Variants in CADPS2 observed in about 807,000 individuals in gnomAD.
The protein encoded by CADPS2 is calcium dependent secretion activator 2.
CADPS2 carries 93 observed loss-of-function variants against 172.5 expected under a neutral mutation model. The observed-to-expected ratio is 0.54, with a 90% CI of 0.46 to 0.64. The LOEUF (loss-of-function observed/expected upper bound fraction) is 0.64, where lower values mean the gene tolerates loss of function less well. Ranked by LOEUF, CADPS2 falls within the 30% of genes least tolerant of loss-of-function variation. The pLI is 0.00. For synonymous variants in CADPS2, 546 were observed against 555.2 expected (o/e 0.98, Z 0.23); for missense variants, 1,420 against 1,565.9 (o/e 0.91, Z 1.57).
At chr7:122,667,032 T>C (rs955004278) in intron 2 of CADPS2, among the ~76,000 whole-genome samples, 2 of 152,212 alleles carry the variant, frequency 1.3e-5, no homozygotes, top group African/African-American at 4.8e-5. Context: ...TCCTATATTC[T>C]TTAGAGTTTT....
intron 15 of CADPS2, among the ~76,000 whole-genome samples, chr7:122,444,496 A>T (rs2051861709): frequency 1.3e-5 from 2 of 152,152 alleles, no homozygotes; most frequent in South Asian, 4.1e-4. Flanking sequence ...TTTTGTTTGG[A>T]ATTTAACTAT....
At position 122,861,085 on chromosome 7, in the gene CADPS2, A is replaced by G. The variant is rs536408186; in HGVS notation, c.339+24914T>C. On this transcript the variant is annotated intron_variant, in intron 1 of 29. Transcript: ENST00000449022. ...AACATGGGAATACATATATGTCTTG[A>G]CATATGAATTTCATTTCCTTTGAAT... Among the ~76,000 whole-genome samples the G allele has an allele frequency of 3.5e-4, 53 of 152,310 alleles. 2 individuals carry two copies. In the South Asian group the frequency reaches 0.011, roughly 30 times the overall value.
At position 122,393,065 on chromosome 7, in the gene CADPS2, TAAA is replaced by T. The variant is rs370397056; in HGVS notation, c.3008+128_3008+130del. On this transcript the variant is annotated intron_variant, in intron 22 of 29. Coordinates refer to ENST00000449022, the MANE Select transcript of CADPS2 (RefSeq NM_017954.11). Reference sequence around the variant, plus strand: ...TAGCTTACTAGCTTAAAAACTCAAATAAAAAAAAAAAAACAGTATTCCTCAACC... The same window carrying T: ...TAGCTTACTAGCTTAAAAACTCAAATAAAAAAAAAACAGTATTCCTCAACC... 1.8e-5 allele frequency: 16 copies of T among 881,532 alleles called. No individual in the cohort carries two copies. The African/African-American group carries it at 2.4e-4, about 13-fold the overall frequency. 54.6% of individuals were successfully genotyped at this position (881,532 alleles called of 1,614,324 possible).
chr7:122,588,289 A>G (rs1216909987), intron 6 of CADPS2, among the ~76,000 whole-genome samples: 1 of 151,028 alleles, frequency 6.6e-6, no homozygotes, highest in African/African-American at 2.4e-5. Flanking sequence ...CTTTGCCTAA[A>G]TGGTATTGCC....
At chr7:122,645,427 GTA>G (rs2078317122) in intron 3 of CADPS2, among the ~76,000 whole-genome samples, 3 of 86,210 alleles carry the variant, frequency 3.5e-5, no homozygotes, top group South Asian at 3.0e-4. Context: ...GTATATGTGT[GTA>G]TATATGTATA....
At chr7:122,481,551 C>G (rs2057306700) in intron 11 of CADPS2, among the ~76,000 whole-genome samples, 1 of 151,746 alleles carries the variant, frequency 6.6e-6, no homozygotes. Flanking sequence ...ACCAGCCTGG[C>G]CAACGTGGAG....
At chr7:122,702,707 G>A (rs774556504) in intron 2 of CADPS2, 2 of 1,612,140 alleles carry the variant, frequency 1.2e-6, no homozygotes, top group Non-Finnish European at 1.7e-6. Context: ...AAGTCCAGAT[G>A]AAACAGAACT....
chr7:122,645,658 GATATAT>G (rs71161314), intron 3 of CADPS2, among the ~76,000 whole-genome samples: 33 of 106,646 alleles, frequency 3.1e-4, no homozygotes, highest in African/African-American at 7.1e-4. Context: ...ATATCTCTAA[GATATAT>G]ATATATATAT....
intron 6 of CADPS2, among the ~76,000 whole-genome samples, chr7:122,582,855 T>A (rs1050510026): frequency 6.6e-6 from 1 of 152,048 alleles, no homozygotes; most frequent in Admixed American, 6.6e-5. Context: ...AATTTGCTTT[T>A]TAAAATCCTC....
chr7:122,860,690 A>T (rs183234644), intron 1 of CADPS2, among the ~76,000 whole-genome samples: 24 of 152,294 alleles, frequency 1.6e-4, no homozygotes, highest in African/African-American at 5.5e-4. Context: ...TTCTCTTATA[A>T]AACTGTAATT....
intron 12 of CADPS2, among the ~76,000 whole-genome samples, chr7:122,477,565 AAAAAACC>A (rs896168331): frequency 5.3e-5 from 8 of 151,902 alleles, no homozygotes; most frequent in African/African-American, 1.9e-4. Flanking sequence ...AACAAAAAAC[AAAAAACC>A]AAAAACTGTA....
chr7:122,724,473 TG>T (rs1288325906), intron 2 of CADPS2, among the ~76,000 whole-genome samples: 1 of 152,036 alleles, frequency 6.6e-6, no homozygotes, highest in Non-Finnish European at 1.5e-5. Flanking sequence ...AGTGCTGAAT[TG>T]TGCAAAACCA....
chr7:122,420,746 A>G (rs981022982), intron 17 of CADPS2, among the ~76,000 whole-genome samples: 2 of 152,276 alleles, frequency 1.3e-5, no homozygotes, highest in African/African-American at 4.8e-5. Context: ...TAAAACAAAC[A>G]TGCCAAAAGT....
At chr7:122,875,848 G>A (rs1821057828) in intron 1 of CADPS2, among the ~76,000 whole-genome samples, 2 of 152,020 alleles carry the variant, frequency 1.3e-5, no homozygotes, top group South Asian at 4.1e-4. Flanking sequence ...CAAAAATAAA[G>A]TAATCCTAAA....
intron 1 of CADPS2, among the ~76,000 whole-genome samples, chr7:122,835,004 G>C (rs573257436): frequency 1.3e-5 from 2 of 152,106 alleles, no homozygotes; most frequent in African/African-American, 4.8e-5. Context: ...GGTCCCTGAC[G>C]CCCGAGTAGC....
intron 17 of CADPS2, among the ~76,000 whole-genome samples, chr7:122,423,503 T>C (rs1281070419): frequency 6.6e-6 from 1 of 152,162 alleles, no homozygotes; most frequent in East Asian, 1.9e-4. Context: ...TTCAGTTCTT[T>C]AGGGTCAAGT....
At chr7:122,474,644 G>T in intron 12 of CADPS2, 127 bp from the exon 13 acceptor site, 2 of 859,512 alleles carry the variant, frequency 2.3e-6, no homozygotes, top group Non-Finnish European at 3.5e-6. Flanking sequence ...GAAATATGAT[G>T]CCAAGAGTTC....
intron 8 of CADPS2, among the ~76,000 whole-genome samples, chr7:122,533,553 T>A (rs956305501): frequency 6.6e-6 from 1 of 152,172 alleles, no homozygotes; most frequent in Admixed American, 6.5e-5. Flanking sequence ...ACCAATATAA[T>A]GGGGCTAATG....
At chr7:122,684,931 A>C (rs1455337579) in intron 2 of CADPS2, among the ~76,000 whole-genome samples, 1 of 152,230 alleles carries the variant, frequency 6.6e-6, no homozygotes, top group South Asian at 2.1e-4. Flanking sequence ...AATTTTAAAA[A>C]CAAACATTCT....
Sources: allele counts gnomAD v4.1 joint callset (sites outside exome capture counted in the v4.1 genomes callset), GRCh38; gene constraint gnomAD v4.1.1; transcripts MANE v1.5; gene names NCBI Gene and HGNC (gene_info 2026-07-23, HGNC 2026-07-21).